Variants in RB1CC1 observed in about 807,000 individuals in gnomAD.
RB1CC1 encodes the protein RB1-inducible coiled-coil protein 1.
A neutral mutation model predicts 177.5 loss-of-function variants in RB1CC1; 46 were observed. The ratio of observed to expected loss-of-function variants is 0.26; its 90% CI spans 0.20 to 0.33. RB1CC1 has a LOEUF of 0.33. Ranked by LOEUF, RB1CC1 falls within the 10% of genes least tolerant of loss-of-function variation. The pLI, the probability that RB1CC1 is intolerant of heterozygous loss-of-function variation, is 1.00. For synonymous variants in RB1CC1, 666 were observed against 613.6 expected (o/e 1.09, Z -1.26); for missense variants, 1,703 against 1,816.3 (o/e 0.94, Z 1.13).
chr8:52,713,111 G>T (rs578040903), intron 1 of RB1CC1, among the ~76,000 whole-genome samples: 1 of 152,260 alleles, frequency 6.6e-6, no homozygotes, highest in African/African-American at 2.4e-5. Context: ...AAAAACTTAA[G>T]AAACTACACA....
chr8:52,671,886 A>G (rs1212628732), intron 7 of RB1CC1, among the ~76,000 whole-genome samples: 1 of 152,190 alleles, frequency 6.6e-6, no homozygotes, highest in Non-Finnish European at 1.5e-5. Context: ...TAATGGGCAT[A>G]TACAACTAAT....
intron 6 of RB1CC1, among the ~76,000 whole-genome samples, 178 bp from the exon 7 acceptor site, chr8:52,674,452 G>A (rs529289725): frequency 6.6e-6 from 1 of 152,314 alleles, no homozygotes; most frequent in South Asian, 2.1e-4. Flanking sequence ...TTAGCAGAGA[G>A]AGGCTATCGT....
chr8:52,663,832 T>G (rs536826832), intron 8 of RB1CC1, among the ~76,000 whole-genome samples: 2 of 152,282 alleles, frequency 1.3e-5, no homozygotes, highest in African/African-American at 4.8e-5. Context: ...AGTATTGATG[T>G]GTTCCTACTA....
chr8:52,684,328 T>C (rs755604247), intron 3 of RB1CC1, among the ~76,000 whole-genome samples: 1 of 152,232 alleles, frequency 6.6e-6, no homozygotes, highest in Non-Finnish European at 1.5e-5. Context: ...ATGTGAAGAT[T>C]CCTTCCTATC....
At position 52,699,804 on chromosome 8, in the gene RB1CC1, C is replaced by CAAAAA. The variant is rs1172604874; in HGVS notation, c.-166-12842_-166-12838dup. On this transcript the variant is annotated intron_variant, in intron 1 of 23. Transcript: ENST00000025008. ...ACTGCACTGCAGTGAATCTCCGTCT[C>CAAAAA]AAAAAAAAAAAAAAAAAAAAAAAAA... is the stretch of plus-strand genomic sequence containing the variant. 2.2e-3 allele frequency among the ~76,000 whole-genome samples: 85 copies of CAAAAA among 38,534 alleles called. 4 individuals are homozygous for CAAAAA. Among genetic ancestry groups the CAAAAA allele is most frequent in the African/African-American group, 2.5e-3 (15 of 6,068 alleles). The allele number at this position is 38,534 out of a possible 152,430, so 25.3% of individuals were successfully genotyped here.
intron 7 of RB1CC1, among the ~76,000 whole-genome samples, chr8:52,668,543 T>C (rs1026852283): frequency 2.6e-5 from 4 of 152,314 alleles, no homozygotes; most frequent in Non-Finnish European, 4.4e-5. Flanking sequence ...TTAAAACATA[T>C]AAACTTCTTC....
chr8:52,645,950 C>A (rs1384005615), intron 15 of RB1CC1, 83 bp from the exon 16 acceptor site: 1 of 1,280,268 alleles, frequency 7.8e-7, no homozygotes, highest in Non-Finnish European at 1.1e-6. Flanking sequence ...GGAAATTTAT[C>A]TTCCTTAAGC....
chr8:52,653,072 C>CA (rs930586796), intron 15 of RB1CC1, among the ~76,000 whole-genome samples: 17 of 152,036 alleles, frequency 1.1e-4, no homozygotes, highest in African/African-American at 3.6e-4. Flanking sequence ...AACAAACAAA[C>CA]AAAAAACAAA....
intron 3 of RB1CC1, among the ~76,000 whole-genome samples, chr8:52,684,386 GA>G (rs1032204442): frequency 2.4e-4 from 37 of 152,104 alleles, no homozygotes; most frequent in African/African-American, 8.7e-4. Flanking sequence ...CAAGTTTAAT[GA>G]AAACTAATTC....
chr8:52,643,915 A>C (rs1387038231), intron 16 of RB1CC1, among the ~76,000 whole-genome samples: 1 of 151,976 alleles, frequency 6.6e-6, no homozygotes, highest in South Asian at 2.1e-4. Flanking sequence ...AGCATTTTTA[A>C]TAAAATTTTA....
chr8:52,673,994 T>C lies in RB1CC1; in HGVS notation c.853A>G (p.Thr285Ala). ...GTAGTTTCATCTTGCTGATGAACAG[T>C]ACTTTGACAAGATTCCCTAATTTCT... Reference protein sequence around the residue: ...GKEIRESCQSTVHQQDETTID... With the variant: ...GKEIRESCQSAVHQQDETTID... The change falls in exon 7 of 24, where the codon ACT becomes GCT. Residue 285 changes from threonine (T) to alanine (A), a missense_variant. By Grantham distance (58) the Thr-to-Ala change is moderately conservative (BLOSUM62 0). Transcript: ENST00000025008. The C allele has an allele frequency of 6.2e-7, 1 of 1,614,192 alleles. No individual in the cohort carries two copies. Among genetic ancestry groups the C allele is most frequent in the Non-Finnish European group, 8.5e-7 (1 of 1,180,024 alleles).
chr8:52,654,286 T>C (rs980608886), intron 15 of RB1CC1, among the ~76,000 whole-genome samples: 5 of 152,186 alleles, frequency 3.3e-5, no homozygotes, highest in Non-Finnish European at 7.3e-5. Context: ...TCTTTTATGA[T>C]CTCATATGCA....
rs140828057 is a variant in RB1CC1, at chr8:52,656,932, T to A, written c.2897A>T (p.His966Leu). The change falls in exon 15 of 24, where the codon CAT (histidine) becomes CTT (leucine). Residue 966 changes from histidine (H) to leucine (L), a missense_variant. Coordinates refer to ENST00000025008, the MANE Select transcript of RB1CC1 (RefSeq NM_014781.5). ...CTGTAACTTCTCATCATTTTCAACA[T>A]GGAGCTTTTTTAAGTCTTCTAACAC... Reference protein sequence around the residue: ...EIVLEDLKKLHVENDEKLQLL... With the variant: ...EIVLEDLKKLLVENDEKLQLL... The A allele has an allele frequency of 4.3e-6, 7 of 1,613,200 alleles. No homozygotes were observed. Among genetic ancestry groups the A allele is most frequent in the Non-Finnish European group, 5.9e-6 (7 of 1,179,946 alleles).
At chr8:52,688,623 T>C (rs1183912171) in intron 1 of RB1CC1, among the ~76,000 whole-genome samples, 7 of 152,212 alleles carry the variant, frequency 4.6e-5, no homozygotes, top group Non-Finnish European at 7.3e-5. Context: ...TCTGCTTTTG[T>C]CTTTTGTCCT....
At chr8:52,697,310 AAAAG>A (rs1448670012) in intron 1 of RB1CC1, among the ~76,000 whole-genome samples, 2 of 152,008 alleles carry the variant, frequency 1.3e-5, no homozygotes, top group Non-Finnish European at 2.9e-5. Context: ...AAAAAAAAAA[AAAAG>A]AAGACTTTTT....
chr8:52,661,148 A>C lies in RB1CC1; in HGVS notation c.1492T>G (p.Leu498Val). 6.2e-7 allele frequency: 1 copy of C among 1,613,864 alleles called. No individual in the cohort carries two copies. The highest frequency in any genetic ancestry group is 1.7e-5 in the Admixed American group (1 of 59,982). ...ALSTVPQMYC[L>V]AVVEVVRRKM... ...CTTCTTACAACCTCAACAACAGCTAAGCAGTACATCTGAGGAACTGTACTA... is the reference window on the plus strand; with the variant it reads ...CTTCTTACAACCTCAACAACAGCTACGCAGTACATCTGAGGAACTGTACTA... Residue 498 changes from leucine (L) to valine (V), a missense_variant, in exon 10 of 24, where the codon TTA becomes GTA. Around this residue, in one of 6 missense-constraint regions of RB1CC1, gnomAD observed 1,169 missense variants for 1,184.7 expected, o/e 0.99. Transcript: ENST00000025008.
intron 6 of RB1CC1, among the ~76,000 whole-genome samples, chr8:52,674,964 A>G (rs1042565605): frequency 6.6e-6 from 1 of 152,166 alleles, no homozygotes; most frequent in Non-Finnish European, 1.5e-5. Flanking sequence ...GATAAAAATA[A>G]CAATCCTAAT....
chr8:52,633,756 T>C (rs1488889018), intron 20 of RB1CC1, among the ~76,000 whole-genome samples: 1 of 152,184 alleles, frequency 6.6e-6, no homozygotes, highest in African/African-American at 2.4e-5. Flanking sequence ...GTTCAAATAA[T>C]TGGTTAAATT....
chr8:52,661,816 G>A (rs1851659128), intron 8 of RB1CC1, 97 bp from the exon 9 acceptor site: 7 of 863,920 alleles, frequency 8.1e-6, no homozygotes, highest in East Asian at 6.0e-5. Context: ...AACACAACCC[G>A]TTTTGTGCCT....
Sources: allele counts gnomAD v4.1 joint callset (sites outside exome capture counted in the v4.1 genomes callset), GRCh38; gene constraint gnomAD v4.1.1; regional missense constraint gnomAD v4.1.1; transcripts MANE v1.5; gene names NCBI Gene and HGNC (gene_info 2026-07-23, HGNC 2026-07-21).